The following RMST variants were observed in gnomAD, a reference collection of about 807,000 sequenced individuals.
RMST encodes rhabdomyosarcoma 2 associated transcript, also known as long intergenic non-protein coding RNA 54.
chr12:97,498,689 G>A (rs1034039211), intron 10 of RMST, among the ~76,000 whole-genome samples: 6 of 152,128 alleles, frequency 3.9e-5, no homozygotes, highest in African/African-American at 7.2e-5. Flanking sequence ...TAGGAAAATC[G>A]TGAAAAGCCA....
chr12:97,525,871 T>G (rs1881039521), intron 10 of RMST, among the ~76,000 whole-genome samples: 1 of 152,170 alleles, frequency 6.6e-6, no homozygotes, highest in African/African-American at 2.4e-5. Context: ...TCACTTGCAT[T>G]ACAACCTGAG....
At chr12:97,512,222 G>C (rs1375932111) in intron 10 of RMST, among the ~76,000 whole-genome samples, 4 of 152,164 alleles carry the variant, frequency 2.6e-5, no homozygotes, top group South Asian at 2.1e-4. Context: ...GTTCCTCCCG[G>C]TGGGTTCATG....
intron 10 of RMST, among the ~76,000 whole-genome samples, chr12:97,507,532 G>A (rs1336601427): frequency 6.6e-6 from 1 of 152,170 alleles, no homozygotes; most frequent in African/African-American, 2.4e-5. Flanking sequence ...AGAAGTTAAT[G>A]ATGGCAGTGA....
intron 4 of RMST, chr12:97,465,575 A>G (rs1873093272): frequency 6.6e-6 from 1 of 152,168 alleles, no homozygotes; most frequent in Non-Finnish European, 1.5e-5. Context: ...ACTGCTTATG[A>G]GCACCATCAG....
chr12:97,482,664 T>C (rs1370210026), intron 5 of RMST, among the ~76,000 whole-genome samples: 1 of 144,620 alleles, frequency 6.9e-6, no homozygotes, highest in Non-Finnish European at 1.5e-5. Context: ...AATAAATTTA[T>C]TTATTTAATA....
At chr12:97,520,630 T>C (rs1040438755) in intron 10 of RMST, among the ~76,000 whole-genome samples, 1 of 152,200 alleles carries the variant, frequency 6.6e-6, no homozygotes, top group African/African-American at 2.4e-5. Context: ...TGATAAACTT[T>C]CTTGAAAAAT....
chr12:97,494,469 G>A (rs1163870395), intron 8 of RMST, among the ~76,000 whole-genome samples: 1 of 152,102 alleles, frequency 6.6e-6, no homozygotes, highest in Non-Finnish European at 1.5e-5. Context: ...AGGACCCCTT[G>A]AGCCCAGGAA....
chr12:97,499,418 C>T (rs1877816753), intron 10 of RMST, among the ~76,000 whole-genome samples: 1 of 152,008 alleles, frequency 6.6e-6, no homozygotes, highest in African/African-American at 2.4e-5. Flanking sequence ...TTTCTGCACC[C>T]ATGTTTTGGG....
At chr12:97,563,856 A>G (rs1440696126) in intron 13 of RMST, 1 of 513,988 alleles carries the variant, frequency 1.9e-6, no homozygotes, top group African/African-American at 1.9e-5. Context: ...TTCCTATGTG[A>G]TAGTAATAAA....
intron 10 of RMST, among the ~76,000 whole-genome samples, chr12:97,529,694 T>G (rs2136583748): frequency 6.6e-6 from 1 of 152,232 alleles, no homozygotes; most frequent in East Asian, 1.9e-4. Flanking sequence ...GCTCCTCCAT[T>G]GGATGCTACG....
intron 5 of RMST, among the ~76,000 whole-genome samples, chr12:97,481,953 G>A (rs1875342832): frequency 6.6e-6 from 1 of 152,260 alleles, no homozygotes; most frequent in Admixed American, 6.5e-5. Flanking sequence ...TAGTGGCAAA[G>A]TTCAGATTTA....
At chr12:97,546,318 A>G (rs1882927731) in intron 11 of RMST, among the ~76,000 whole-genome samples, 1 of 152,132 alleles carries the variant, frequency 6.6e-6, no homozygotes, top group South Asian at 2.1e-4. Context: ...GTGGTGGCTT[A>G]CACCTGTAAT....
intron 11 of RMST, among the ~76,000 whole-genome samples, chr12:97,546,246 C>T (rs1287751786): frequency 6.6e-6 from 1 of 151,976 alleles, no homozygotes. Context: ...AAAAATACTG[C>T]TTTTTTATGG....
chr12:97,542,149 A>G (rs1253635431), intron 11 of RMST, among the ~76,000 whole-genome samples: 1 of 151,926 alleles, frequency 6.6e-6, no homozygotes, highest in East Asian at 1.9e-4. Context: ...TTGGTTCTCC[A>G]CTAATTAGAG....
chr12:97,554,770 T>C (rs2136658737), intron 11 of RMST, among the ~76,000 whole-genome samples: 1 of 152,306 alleles, frequency 6.6e-6, no homozygotes, highest in Non-Finnish European at 1.5e-5. Flanking sequence ...CTGCTTATAT[T>C]GCTGGTAGTA....
chr12:97,524,106 A>T (rs1390302902), intron 10 of RMST, among the ~76,000 whole-genome samples: 1 of 146,758 alleles, frequency 6.8e-6, no homozygotes, highest in African/African-American at 2.5e-5. Context: ...AAAAAAAATC[A>T]CATAACTGTA....
At chr12:97,471,780 C>T (rs1873948731) in intron 5 of RMST, among the ~76,000 whole-genome samples, 1 of 152,114 alleles carries the variant, frequency 6.6e-6, no homozygotes. Flanking sequence ...GAACGCACAA[C>T]ATGCAGTTGG....
chr12:97,549,049 G>T (rs140253246), intron 11 of RMST, among the ~76,000 whole-genome samples: 144 of 152,280 alleles, frequency 9.5e-4, no homozygotes, highest in African/African-American at 3.3e-3. Context: ...CTGAGAGTTT[G>T]CAGGAAGTCT....
chr12:97,490,207 G>T (rs767856190), intron 5 of RMST, among the ~76,000 whole-genome samples: 6 of 152,102 alleles, frequency 3.9e-5, no homozygotes, highest in Non-Finnish European at 8.8e-5. Flanking sequence ...CTAGTTCCAG[G>T]CATGTTAATT....
Sources: allele counts gnomAD v4.1 joint callset (sites outside exome capture counted in the v4.1 genomes callset), GRCh38; gene constraint gnomAD v4.1.1; transcripts MANE v1.5; gene names NCBI Gene and HGNC (gene_info 2026-07-23, HGNC 2026-07-21).